The following UNC13C variants were observed in gnomAD, a reference collection of about 807,000 sequenced individuals.
The protein encoded by UNC13C is unc-13 homolog C.
UNC13C carries 174 observed loss-of-function variants against 245.4 expected under a neutral mutation model. That is an observed-to-expected ratio of 0.71 (90% CI 0.63 to 0.80). UNC13C has a LOEUF of 0.80. UNC13C is among the 30% of genes least tolerant of loss of function. The pLI, the probability that UNC13C is intolerant of heterozygous loss-of-function variation, is 0.00. For missense variants in UNC13C, 2,829 were observed against 2,602.9 expected, an observed-to-expected ratio of 1.09 and a Z score of -1.89; for synonymous variants, 992 against 895.1, an observed-to-expected ratio of 1.11 and a Z score of -1.93.
rs374995000 is a variant in UNC13C at position 54,623,801 on chromosome 15, C to G, written c.6206C>G (p.Ala2069Gly). The change falls in exon 32 of 33, where the codon GCT becomes GGT. Residue 2069 changes from alanine to glycine, a missense_variant. Physicochemically the swap from Ala to Gly is moderately conservative, Grantham distance 60 (BLOSUM62 0). Transcript: ENST00000260323. ...GDHKVTVKVIAINDLNWQTTA... is the reference protein window; with the variant it reads ...GDHKVTVKVIGINDLNWQTTA... Reference sequence around the variant, plus strand: ...GATATTTCCTTTTTTTTAGTGATTGCTATTAATGACCTAAACTGGCAGACC... The same window carrying G: ...GATATTTCCTTTTTTTTAGTGATTGGTATTAATGACCTAAACTGGCAGACC... 1 of 1,611,274 alleles carries G rather than the reference C, an allele frequency of 6.2e-7. No homozygotes were observed. Among genetic ancestry groups the G allele is most frequent in the African/African-American group, 1.3e-5 (1 of 74,844 alleles).
chr15:53,841,469 A>G, the UNC13C span, among the ~76,000 whole-genome samples: 1 of 152,134 alleles, frequency 6.6e-6, no homozygotes, highest in Non-Finnish European at 1.5e-5. Flanking sequence ...CTTCTTTCTC[A>G]AGACATAATC....
the UNC13C span, among the ~76,000 whole-genome samples, chr15:53,854,122 G>GTTTTTTTGTTTTTTTT: frequency 3.0e-5 from 4 of 133,572 alleles, no homozygotes; most frequent in South Asian, 2.3e-4. Flanking sequence ...GTTTTTATAG[G>GTTTTTTTGTTTTTTTT]TTTTTTTTTT....
At chr15:54,149,542 C>T (rs1465088854) in intron 4 of UNC13C, among the ~76,000 whole-genome samples, 1 of 152,160 alleles carries the variant, frequency 6.6e-6, no homozygotes, top group African/African-American at 2.4e-5. Flanking sequence ...GTCCTCAGTA[C>T]CTTTTACTTA....
chr15:54,616,304 G>C (rs1222939865), intron 30 of UNC13C, among the ~76,000 whole-genome samples: 1 of 151,986 alleles, frequency 6.6e-6, no homozygotes, highest in African/African-American at 2.4e-5. Context: ...AATTCCTGTG[G>C]AGTTTGTGAC....
intron 30 of UNC13C, among the ~76,000 whole-genome samples, chr15:54,579,910 A>G (rs1471373907): frequency 6.6e-6 from 1 of 152,230 alleles, no homozygotes; most frequent in East Asian, 1.9e-4. Flanking sequence ...AGGTATTTTG[A>G]AAATTGTGTA....
chr15:54,435,590 G>A (rs1183134461), intron 19 of UNC13C, among the ~76,000 whole-genome samples: 1 of 150,448 alleles, frequency 6.6e-6, no homozygotes, highest in Non-Finnish European at 1.5e-5. Flanking sequence ...GGTGGGGGTG[G>A]GGGACTAGGG....
At chr15:54,586,451 C>T (rs923270059) in intron 30 of UNC13C, among the ~76,000 whole-genome samples, 8 of 152,268 alleles carry the variant, frequency 5.3e-5, no homozygotes, top group African/African-American at 1.4e-4. Context: ...GCCTTTTCCC[C>T]GTGCACAGGG....
chr15:54,344,439 A>G (rs2038811168), intron 17 of UNC13C, among the ~76,000 whole-genome samples: 1 of 152,180 alleles, frequency 6.6e-6, no homozygotes, highest in Non-Finnish European at 1.5e-5. Flanking sequence ...TAATTTTCTT[A>G]CTGGTTTTAT....
chr15:54,042,301 T>C (rs971236302), intron 2 of UNC13C, among the ~76,000 whole-genome samples: 1 of 152,182 alleles, frequency 6.6e-6, no homozygotes, highest in African/African-American at 2.4e-5. Context: ...CACTGATGAA[T>C]TTTGAGCTTA....
chr15:53,838,633 A>G, the UNC13C span, among the ~76,000 whole-genome samples: 1 of 152,032 alleles, frequency 6.6e-6, no homozygotes, highest in East Asian at 1.9e-4. Flanking sequence ...AACTATATTT[A>G]TATATCTTTT....
At chr15:54,614,423 G>T (rs1359385688) in intron 30 of UNC13C, among the ~76,000 whole-genome samples, 1 of 151,674 alleles carries the variant, frequency 6.6e-6, no homozygotes, top group Non-Finnish European at 1.5e-5. Context: ...TAATTTCCCT[G>T]AAAATATGTA....
At chr15:54,419,225 G>A (rs188989045) in intron 19 of UNC13C, among the ~76,000 whole-genome samples, 1 of 152,052 alleles carries the variant, frequency 6.6e-6, no homozygotes, top group Admixed American at 6.6e-5. Context: ...ATGCTCTTTT[G>A]ATAGAGATGA....
At chr15:54,094,867 C>T (rs1342345321) in intron 2 of UNC13C, among the ~76,000 whole-genome samples, 1 of 152,174 alleles carries the variant, frequency 6.6e-6, no homozygotes, top group African/African-American at 2.4e-5. Context: ...GGGTCTCTCA[C>T]ACCTGTTCCA....
At chr15:54,061,286 T>C (rs1451749964) in intron 2 of UNC13C, among the ~76,000 whole-genome samples, 1 of 152,126 alleles carries the variant, frequency 6.6e-6, no homozygotes, top group Non-Finnish European at 1.5e-5. Context: ...GTCCAGTGTC[T>C]GATTCTTGGT....
intron 28 of UNC13C, among the ~76,000 whole-genome samples, chr15:54,554,084 A>G (rs1015829326): frequency 6.6e-6 from 1 of 152,032 alleles, no homozygotes; most frequent in South Asian, 2.1e-4. Context: ...TGTTGTTAGC[A>G]GTATCCAAAG....
chr15:54,502,412 CATTA>C (rs1256985106), intron 22 of UNC13C, among the ~76,000 whole-genome samples: 3 of 152,264 alleles, frequency 2.0e-5, no homozygotes, highest in East Asian at 1.9e-4. Flanking sequence ...ATCTCATCTT[CATTA>C]ATTAAGACTA....
chr15:54,445,285 T>A (rs1890746876), intron 19 of UNC13C, among the ~76,000 whole-genome samples: 1 of 152,294 alleles, frequency 6.6e-6, no homozygotes, highest in South Asian at 2.1e-4. Flanking sequence ...TACATGTGCA[T>A]GTGTCTCTGT....
At chr15:54,356,594 G>C (rs1448604034) in intron 17 of UNC13C, among the ~76,000 whole-genome samples, 1 of 152,154 alleles carries the variant, frequency 6.6e-6, no homozygotes, top group Non-Finnish European at 1.5e-5. Flanking sequence ...TCACCTAATG[G>C]AAGGGGCAAA....
At chr15:54,353,359 CCAGA>C (rs1401539982) in intron 17 of UNC13C, among the ~76,000 whole-genome samples, 1 of 152,060 alleles carries the variant, frequency 6.6e-6, no homozygotes, top group Non-Finnish European at 1.5e-5. Context: ...AGAAATACAT[CCAGA>C]CAGACTCTGC....
Sources: gnomAD v4.1 joint callset for allele counts (sites outside exome capture counted in the v4.1 genomes callset) on GRCh38, gnomAD v4.1.1 for gene constraint, MANE v1.5 for transcripts, NCBI Gene and HGNC (gene_info 2026-07-23, HGNC 2026-07-21) for gene names.